The following RIMS1 variants were observed in gnomAD, a reference collection of about 807,000 sequenced individuals.
RIMS1 encodes regulating synaptic membrane exocytosis 1, also known as regulating synaptic membrane exocytosis protein 1.
In RIMS1, 83 loss-of-function variants were observed where a neutral mutation model predicts 214.1. The ratio of observed to expected loss-of-function variants is 0.39; its 90% CI spans 0.32 to 0.47. RIMS1 has a LOEUF of 0.47. Ranked by LOEUF, RIMS1 falls within the 20% of genes least tolerant of loss-of-function variation. The pLI, the probability that RIMS1 is intolerant of heterozygous loss-of-function variation, is 0.99. For missense variants in RIMS1, 2,050 were observed against 2,161.8 expected (o/e 0.95, Z 1.03); for synonymous variants, 793 against 786.8 (o/e 1.01, Z -0.13).
chr6:72,112,227 A>G (rs1772222778), intron 4 of RIMS1, among the ~76,000 whole-genome samples: 1 of 152,052 alleles, frequency 6.6e-6, no homozygotes, highest in South Asian at 2.1e-4. Context: ...ACCTCTTCTT[A>G]CCACCTCCAC....
chr6:72,180,210 C>T (rs2048224181), intron 5 of RIMS1, among the ~76,000 whole-genome samples: 1 of 152,182 alleles, frequency 6.6e-6, no homozygotes, highest in Non-Finnish European at 1.5e-5. Context: ...TCATGTTTCA[C>T]TTATAAACCT....
chr6:72,263,322 G>A (rs950338473), intron 19 of RIMS1: 12 of 985,076 alleles, frequency 1.2e-5, no homozygotes, highest in Middle Eastern at 5.2e-4. Flanking sequence ...AAATGCTATA[G>A]TTGCCTTACT....
intron 4 of RIMS1, among the ~76,000 whole-genome samples, chr6:72,175,158 C>G (rs2081745057): frequency 6.6e-6 from 1 of 152,154 alleles, no homozygotes; most frequent in African/African-American, 2.4e-5. Flanking sequence ...CTGTAATTGA[C>G]TATCTCGTCT....
At chr6:72,095,629 T>C (rs2031327511) in intron 2 of RIMS1, among the ~76,000 whole-genome samples, 1 of 152,228 alleles carries the variant, frequency 6.6e-6, no homozygotes, top group South Asian at 2.1e-4. Context: ...GATTTGAGAA[T>C]TTTTAAAGTA....
At chr6:71,966,738 G>T (rs1233281528) in intron 1 of RIMS1, among the ~76,000 whole-genome samples, 1 of 151,996 alleles carries the variant, frequency 6.6e-6, no homozygotes, top group Non-Finnish European at 1.5e-5. Flanking sequence ...GGCCAGTCTG[G>T]TCTCAAACTC....
At position 72,096,881 on chromosome 6, in the gene RIMS1, G is replaced by C; in HGVS notation, c.246-68G>C. The C allele has an allele frequency of 3.1e-6, 4 of 1,305,124 alleles. No homozygotes were observed. In the Admixed American group the frequency reaches 7.8e-5, roughly 26 times the overall value. The allele number at this position is 1,305,124 out of a possible 1,614,324, so 80.8% of individuals were successfully genotyped here. A position where few individuals can be genotyped will look rare whatever the true frequency, so the allele number is the denominator to read the frequency against. ...TCCTTTTTGTTAGGAAATATTCCTT[G>C]TTTTGTTTGTTCTTGGTTTTGTCTT... On this transcript the variant is annotated intron_variant, in intron 2 of 33. Coordinates refer to ENST00000521978, the MANE Select transcript of RIMS1 (RefSeq NM_014989.7).
At chr6:72,177,522 GATTACAGGTGTC>G (rs1461707267) in intron 4 of RIMS1, among the ~76,000 whole-genome samples, 1 of 152,156 alleles carries the variant, frequency 6.6e-6, no homozygotes, top group Non-Finnish European at 1.5e-5. Flanking sequence ...AAAGTGCTGG[GATTACAGGTGTC>G]AGCCACCACA....
At chr6:72,308,354 C>A (rs2095336093) in intron 27 of RIMS1, among the ~76,000 whole-genome samples, 1 of 151,728 alleles carries the variant, frequency 6.6e-6, no homozygotes, top group Non-Finnish European at 1.5e-5. Context: ...AGCTTTTTTT[C>A]TTTATAGAAT....
At chr6:72,144,367 TA>T in intron 4 of RIMS1, among the ~76,000 whole-genome samples, 1 of 152,340 alleles carries the variant, frequency 6.6e-6, no homozygotes, top group East Asian at 1.9e-4. Flanking sequence ...ATGGAAGTTC[TA>T]AAGAATGTGT....
chr6:71,995,568 A>T (rs1357583640), intron 2 of RIMS1, among the ~76,000 whole-genome samples: 3 of 150,828 alleles, frequency 2.0e-5, no homozygotes, highest in African/African-American at 4.9e-5. Flanking sequence ...TCTTCTTTGT[A>T]TTAGTTTTCT....
intron 2 of RIMS1, among the ~76,000 whole-genome samples, chr6:72,008,938 A>T (rs1318932973): frequency 6.6e-6 from 1 of 152,154 alleles, no homozygotes; most frequent in African/African-American, 2.4e-5. Flanking sequence ...TAACAAGGAT[A>T]CCCAGGAATT....
At chr6:72,013,823 TA>T (rs1160012341) in intron 2 of RIMS1, among the ~76,000 whole-genome samples, 1 of 152,226 alleles carries the variant, frequency 6.6e-6, no homozygotes, top group Non-Finnish European at 1.5e-5. Context: ...CACCACTATG[TA>T]ATTGCAGTAC....
intron 2 of RIMS1, among the ~76,000 whole-genome samples, chr6:71,993,701 C>T (rs1216456953): frequency 1.3e-5 from 2 of 152,148 alleles, no homozygotes; most frequent in East Asian, 3.8e-4. Context: ...GTTGAACCTA[C>T]ATCAACCGTT....
chr6:72,396,547 A>G (rs2098779663), intron 31 of RIMS1, among the ~76,000 whole-genome samples: 1 of 152,234 alleles, frequency 6.6e-6, no homozygotes, highest in Non-Finnish European at 1.5e-5. Context: ...AGCACCAAAT[A>G]GGAAAACCAA....
At chr6:71,953,163 A>AT (rs1025561748) in intron 1 of RIMS1, among the ~76,000 whole-genome samples, 2 of 151,718 alleles carry the variant, frequency 1.3e-5, no homozygotes, top group African/African-American at 4.8e-5. Context: ...AATGTTTTAT[A>AT]TTTTTAGTAG....
intron 26 of RIMS1, among the ~76,000 whole-genome samples, chr6:72,305,856 T>C (rs1020483753): frequency 4.6e-5 from 7 of 152,130 alleles, no homozygotes; most frequent in Non-Finnish European, 8.8e-5. Context: ...GGATTTGAGA[T>C]TGGTTATCTA....
chr6:72,248,752 A>T (rs1039100454), intron 12 of RIMS1, among the ~76,000 whole-genome samples: 17 of 152,186 alleles, frequency 1.1e-4, no homozygotes, highest in Admixed American at 9.8e-4. Context: ...TTACACAAAT[A>T]ATGACCTTTT....
chr6:72,279,997 A>G (rs753405059), intron 23 of RIMS1, among the ~76,000 whole-genome samples: 1 of 151,946 alleles, frequency 6.6e-6, no homozygotes, highest in Non-Finnish European at 1.5e-5. Context: ...GTCATGTTGT[A>G]TTTAAGTATT....
intron 2 of RIMS1, among the ~76,000 whole-genome samples, chr6:72,069,889 A>T (rs72653126): frequency 2.6e-5 from 4 of 152,136 alleles, no homozygotes; most frequent in South Asian, 2.1e-4. Flanking sequence ...ATTTGTTTGT[A>T]TGTGTTGGGA....
Sources: allele counts gnomAD v4.1 joint callset (sites outside exome capture counted in the v4.1 genomes callset), GRCh38; gene constraint gnomAD v4.1.1; transcripts MANE v1.5; gene names NCBI Gene and HGNC (gene_info 2026-07-23, HGNC 2026-07-21).